The following IL1RL2 variants were observed in gnomAD, a reference collection of about 807,000 sequenced individuals.
The protein encoded by IL1RL2 is interleukin 1 receptor like 2.
In IL1RL2, 68 loss-of-function variants were observed where a neutral mutation model predicts 66.8. The ratio of observed to expected loss-of-function variants is 1.02; its 90% CI spans 0.84 to 1.25. IL1RL2 has a LOEUF of 1.25. Ranked by LOEUF, IL1RL2 falls within the 50% of genes most tolerant of loss-of-function variation. The pLI is 0.00. For synonymous variants in IL1RL2, 305 were observed against 264.6 expected (o/e 1.15, Z -1.48); for missense variants, 729 against 709.3 (o/e 1.03, Z -0.32).
chr2:102,209,545 A>G (rs1688980366), intron 5 of IL1RL2, among the ~76,000 whole-genome samples: 1 of 146,856 alleles, frequency 6.8e-6, no homozygotes, highest in Non-Finnish European at 1.5e-5. Flanking sequence ...TTGGATCTAA[A>G]ATGACTTTCA....
At position 102,219,907 on chromosome 2, in the gene IL1RL2, A is replaced by G. The variant is rs375407590; in HGVS notation, c.881A>G (p.Asn294Ser). Reference sequence around the variant, plus strand: ...ACCCATGTCTCTTTTCGGGAACATAATTTGTACACAGTAAACATCACCTTC... The same window carrying G: ...ACCCATGTCTCTTTTCGGGAACATAGTTTGTACACAGTAAACATCACCTTC... Reference protein sequence around the residue: ...VETHVSFREHNLYTVNITFLE... With the variant: ...VETHVSFREHSLYTVNITFLE... The change falls in exon 8 of 12, where the codon AAT becomes AGT. Residue 294 changes from asparagine (N) to serine (S), a missense_variant. Transcript: ENST00000264257. 17 of 1,612,956 alleles carry G rather than the reference A, an allele frequency of 1.1e-5. No homozygotes were observed. The African/African-American group carries it at 2.0e-4, about 19-fold the overall frequency.
chr2:102,226,347 C>A (rs755695115), intron 9 of IL1RL2, among the ~76,000 whole-genome samples: 2 of 152,124 alleles, frequency 1.3e-5, no homozygotes, highest in African/African-American at 2.4e-5. Flanking sequence ...CCGTCCACTG[C>A]GGGAAAGTTT....
At chr2:102,189,948 G>T (rs1687089051) in intron 3 of IL1RL2, among the ~76,000 whole-genome samples, 1 of 152,130 alleles carries the variant, frequency 6.6e-6, no homozygotes, top group African/African-American at 2.4e-5. Flanking sequence ...CACCTAGCCC[G>T]GCCGCTGCCA....
intron 8 of IL1RL2, among the ~76,000 whole-genome samples, chr2:102,220,270 A>G (rs1689989100): frequency 1.3e-5 from 2 of 152,230 alleles, no homozygotes; most frequent in African/African-American, 4.8e-5. Context: ...ACATCAAAAC[A>G]GAAAGAAAAC....
chr2:102,235,768 G>A (rs763427333), intron 11 of IL1RL2: 15 of 985,386 alleles, frequency 1.5e-5, no homozygotes, highest in East Asian at 1.1e-4. Flanking sequence ...ATGCTCAGGG[G>A]TCATTTGCTG....
chr2:102,224,287 G>A (rs371035381), intron 8 of IL1RL2, among the ~76,000 whole-genome samples: 14 of 152,176 alleles, frequency 9.2e-5, no homozygotes, highest in African/African-American at 3.4e-4. Context: ...TTGCAGCACT[G>A]TTTACAATAG....
chr2:102,225,455 G>T (rs1200039642), intron 8 of IL1RL2, among the ~76,000 whole-genome samples: 5 of 152,188 alleles, frequency 3.3e-5, no homozygotes, highest in African/African-American at 9.6e-5. Context: ...TTGAATGGCT[G>T]GGAAAGCAGT....
At chr2:102,189,332 G>T (rs745317154) in intron 3 of IL1RL2, 22 bp downstream of exon 3, 2 of 1,422,928 alleles carry the variant, frequency 1.4e-6, no homozygotes, top group South Asian at 2.4e-5. Flanking sequence ...ATTTAAAATA[G>T]AACTAACTCG....
At chr2:102,195,615 TTC>T (rs1285517162) in intron 4 of IL1RL2, among the ~76,000 whole-genome samples, 1 of 16,194 alleles carries the variant, frequency 6.2e-5, no homozygotes, top group Non-Finnish European at 1.6e-4. Flanking sequence ...CTTTCTTTCT[TTC>T]TTTCTTTCTT....
intron 11 of IL1RL2, among the ~76,000 whole-genome samples, chr2:102,236,368 G>A (rs3815511): frequency 0.014 from 2,204 of 152,170 alleles, 33 homozygotes; most frequent in East Asian, 0.077. Context: ...GGAGCAGGGT[G>A]GGTTAGGAGG....
Position 102,239,320 on chromosome 2 carries a change from C to A in IL1RL2, c.*79C>A. 7.4e-7 allele frequency: 1 copy of A among 1,359,570 alleles called. No homozygotes were observed. The highest frequency in any genetic ancestry group is 1.1e-6 in the Non-Finnish European group (1 of 949,474). The allele number at this position is 1,359,570 out of a possible 1,614,324, so 84.2% of individuals were successfully genotyped here. On this transcript the variant is annotated 3_prime_UTR_variant, in exon 12 of 12. Coordinates refer to ENST00000264257, the MANE Select transcript of IL1RL2 (RefSeq NM_003854.4). Reference sequence around the variant, plus strand: ...TCCTCATTCCTACACCTATTTTCTGCTGCAGGATGAGGCTAGGGTTAGCAT... The same window carrying A: ...TCCTCATTCCTACACCTATTTTCTGATGCAGGATGAGGCTAGGGTTAGCAT...
chr2:102,225,954 G>A lies in IL1RL2; in HGVS notation c.1048G>A (p.Val350Met). ...GGLIALVAVA[V>M]SVVYIYNIFK... ...GCTTATCGCCTTGGTGGCTGTGGCT[G>A]TGTCTGTTGTGTACATATACAACAT... Residue 350 changes from valine (V) to methionine (M), a missense_variant, in exon 9 of 12, where the codon GTG becomes ATG. Physicochemically the swap from Val to Met is conservative, Grantham distance 21 (BLOSUM62 1). Coordinates refer to ENST00000264257, the MANE Select transcript of IL1RL2 (RefSeq NM_003854.4). 1.2e-6 allele frequency: 2 copies of A among 1,610,716 alleles called. No homozygotes were observed. Among genetic ancestry groups the A allele is most frequent in the Non-Finnish European group, 8.5e-7 (1 of 1,178,232 alleles).
At chr2:102,235,567 G>A in intron 11 of IL1RL2, 1 of 985,418 alleles carries the variant, frequency 1.0e-6, no homozygotes, top group Non-Finnish European at 1.2e-6. Flanking sequence ...TGGGCCCCTT[G>A]AGAACAGGAC....
chr2:102,215,653 C>A (rs1305953431), intron 6 of IL1RL2, among the ~76,000 whole-genome samples: 3 of 152,248 alleles, frequency 2.0e-5, no homozygotes, highest in African/African-American at 4.8e-5. Context: ...TGCACACACA[C>A]CCTTGGCCTG....
intron 11 of IL1RL2, chr2:102,236,060 G>C: frequency 1.8e-6 from 1 of 567,412 alleles, no homozygotes; most frequent in East Asian, 1.5e-4. Flanking sequence ...TATAGTCCAA[G>C]CAAGGCAAAG....
rs1675145733 is a variant in IL1RL2 at position 102,239,486 on chromosome 2, A to G, written c.*245A>G. The G allele has an allele frequency of 2.3e-6, 1 of 435,612 alleles. No individual in the cohort carries two copies. The highest frequency in any genetic ancestry group is 2.2e-5 in the African/African-American group (1 of 46,024). 27.0% of individuals were successfully genotyped at this position (435,612 alleles called of 1,614,324 possible). On this transcript the variant is annotated 3_prime_UTR_variant, in exon 12 of 12. Coordinates refer to ENST00000264257, the MANE Select transcript of IL1RL2 (RefSeq NM_003854.4). Reference sequence around the variant, plus strand: ...AGAGCTGGGGGTTATCCCCATGGTCATGGAGGGTGAGGGCTGGTCGGGGGA... The same window carrying G: ...AGAGCTGGGGGTTATCCCCATGGTCGTGGAGGGTGAGGGCTGGTCGGGGGA...
chr2:102,213,228 T>C (rs1233946033), intron 6 of IL1RL2, among the ~76,000 whole-genome samples: 1 of 152,176 alleles, frequency 6.6e-6, no homozygotes, highest in Non-Finnish European at 1.5e-5. Context: ...AGAGTCTACA[T>C]GGTTCGAGGA....
intron 9 of IL1RL2, among the ~76,000 whole-genome samples, chr2:102,229,603 G>T (rs1172575307): frequency 6.6e-6 from 1 of 152,172 alleles, no homozygotes; most frequent in African/African-American, 2.4e-5. Flanking sequence ...TGCCTGGCAA[G>T]GCTCTTCAAA....
chr2:102,200,438 GAGGAGAGAGCCTAACACTTGGGC>G (rs1167157614), intron 4 of IL1RL2, among the ~76,000 whole-genome samples: 111 of 152,276 alleles, frequency 7.3e-4, no homozygotes, highest in African/African-American at 2.6e-3. Context: ...ATGCCTAAGT[GAGGAGAGAGCCTAACACTTGGGC>G]AGGTAAATAT....
Sources: gnomAD v4.1 joint callset for allele counts (sites outside exome capture counted in the v4.1 genomes callset) on GRCh38, gnomAD v4.1.1 for gene constraint, MANE v1.5 for transcripts, NCBI Gene and HGNC (gene_info 2026-07-23, HGNC 2026-07-21) for gene names.